SGCD: variants seen among roughly 807,000 people sequenced by gnomAD.
SGCD encodes the protein delta-sarcoglycan.
In SGCD, 18 loss-of-function variants were observed where a neutral mutation model predicts 36.6. That is an observed-to-expected ratio of 0.49 (90% CI 0.34 to 0.73). The LOEUF (loss-of-function observed/expected upper bound fraction) is 0.73. Ranked by LOEUF, SGCD falls within the 30% of genes least tolerant of loss-of-function variation. The pLI is 0.01. For synonymous variants in SGCD, 133 were observed against 130.6 expected (o/e 1.02, Z -0.12); for missense variants, 387 against 346.7 (o/e 1.12, Z -0.92).
chr5:156,196,866 T>A (rs1764035591), intron 3 of SGCD, among the ~76,000 whole-genome samples: 1 of 152,202 alleles, frequency 6.6e-6, no homozygotes, highest in South Asian at 2.1e-4. Context: ...TTTCTTGTAC[T>A]TAACGCATCC....
rs562668342 is a variant in SGCD, at chr5:156,094,682, G to C, written c.-281-23196G>C. ...TCAGTTGCCCAGAATGTACCCCAAG[G>C]GGCTTCTGGGGAGGAAGGAGATAGA... On this transcript the variant is annotated intron_variant, in intron 1 of 9. Transcript: ENST00000517913. 4.8e-4 allele frequency among the ~76,000 whole-genome samples: 73 copies of C among 152,220 alleles called. 1 individual carries two copies. The South Asian group carries it at 0.014, about 29-fold the overall frequency.
chr5:155,957,097 G>A (rs1051463469), intron 1 of SGCD, among the ~76,000 whole-genome samples: 3 of 137,622 alleles, frequency 2.2e-5, no homozygotes, highest in Non-Finnish European at 4.5e-5. Context: ...AGGTGCTCAA[G>A]GAAGACTTCA....
intron 3 of SGCD, among the ~76,000 whole-genome samples, chr5:156,354,296 G>A (rs367862203): frequency 6.6e-6 from 1 of 152,102 alleles, no homozygotes; most frequent in South Asian, 2.1e-4. Flanking sequence ...TTATAGTCTG[G>A]AAGCTGGTAA....
the SGCD span, among the ~76,000 whole-genome samples, chr5:155,800,209 CAT>C: frequency 1.1e-3 from 169 of 152,290 alleles, 1 homozygote; most frequent in African/African-American, 3.8e-3. Context: ...CCTTTGCACT[CAT>C]ATTACCCATT....
chr5:155,970,798 T>A (rs1277585444), intron 1 of SGCD, among the ~76,000 whole-genome samples: 1 of 152,212 alleles, frequency 6.6e-6, no homozygotes, highest in Non-Finnish European at 1.5e-5. Flanking sequence ...AGTAAATTGA[T>A]GCTTAAGGCT....
At chr5:156,660,346 T>C (rs1392922373) in intron 7 of SGCD, among the ~76,000 whole-genome samples, 2 of 152,300 alleles carry the variant, frequency 1.3e-5, no homozygotes, top group Non-Finnish European at 2.9e-5. Context: ...ACACTATCAT[T>C]AACATATACT....
chr5:156,118,907 A>G (rs1350849111), intron 2 of SGCD, among the ~76,000 whole-genome samples: 6 of 152,196 alleles, frequency 3.9e-5, no homozygotes, highest in African/African-American at 1.4e-4. Flanking sequence ...TTAGCCAGCC[A>G]AAACTGGTGA....
At chr5:155,855,748 C>G in the SGCD span, among the ~76,000 whole-genome samples, 1 of 152,002 alleles carries the variant, frequency 6.6e-6, no homozygotes, top group Non-Finnish European at 1.5e-5. Flanking sequence ...TCAGAGAGGA[C>G]AAAAACAGGT....
chr5:156,720,086 C>CT (rs754058152), intron 7 of SGCD, among the ~76,000 whole-genome samples: 3 of 152,178 alleles, frequency 2.0e-5, no homozygotes, highest in Non-Finnish European at 4.4e-5. Context: ...GGAATGAGGA[C>CT]TGGCAGAACT....
At chr5:156,649,493 A>C (rs1362645590) in intron 7 of SGCD, among the ~76,000 whole-genome samples, 1 of 152,196 alleles carries the variant, frequency 6.6e-6, no homozygotes, top group Non-Finnish European at 1.5e-5. Context: ...TGGATTAAGA[A>C]AATGTGGTAC....
chr5:156,131,257 C>T (rs1762314984), intron 3 of SGCD, among the ~76,000 whole-genome samples: 1 of 152,166 alleles, frequency 6.6e-6, no homozygotes, highest in Non-Finnish European at 1.5e-5. Flanking sequence ...ATAAAGAGCT[C>T]TGGTGTGAGA....
chr5:156,331,711 G>A (rs191066352), intron 2 of SGCD, among the ~76,000 whole-genome samples: 405 of 143,592 alleles, frequency 2.8e-3, no homozygotes, highest in Non-Finnish European at 4.8e-3. Context: ...TTCAGCCACT[G>A]AAACTATTCA....
rs182167482 is a variant in SGCD at position 155,966,081 on chromosome 5, C to T, written c.-282+95657C>T. On this transcript the variant is annotated intron_variant, in intron 1 of 9. Transcript: ENST00000517913. Reference sequence around the variant, plus strand: ...CCTGTGAACCTCTTAAAATAGAATGCACTCATTAAAACACAGACCTCTAGG... The same window carrying T: ...CCTGTGAACCTCTTAAAATAGAATGTACTCATTAAAACACAGACCTCTAGG... Among the ~76,000 whole-genome samples, 149 of 152,194 alleles carry T rather than the reference C, an allele frequency of 9.8e-4. 1 individual carries two copies. The highest frequency in any genetic ancestry group is 3.5e-3 in the African/African-American group (144 of 41,550).
intron 1 of SGCD, among the ~76,000 whole-genome samples, chr5:156,069,993 T>G (rs1760490305): frequency 6.6e-6 from 1 of 152,150 alleles, no homozygotes; most frequent in Admixed American, 6.5e-5. Flanking sequence ...ATCCTGAGAG[T>G]TTACCAAAGT....
intron 2 of SGCD, among the ~76,000 whole-genome samples, chr5:156,343,332 C>A (rs994750246): frequency 2.0e-5 from 3 of 152,108 alleles, no homozygotes; most frequent in African/African-American, 7.2e-5. Context: ...AGGGCTGTAC[C>A]ATTATCTGAA....
chr5:155,783,537 A>ATT, the SGCD span, among the ~76,000 whole-genome samples: 13 of 145,584 alleles, frequency 8.9e-5, no homozygotes, highest in Non-Finnish European at 1.2e-4. Flanking sequence ...CTAAAAAGGA[A>ATT]TTTTTTTTTT....
At chr5:156,322,716 A>G (rs1263949003), upstream of SGCD, among the ~76,000 whole-genome samples, 2 of 152,214 alleles carry the variant, frequency 1.3e-5, no homozygotes, top group African/African-American at 2.4e-5. Flanking sequence ...CTTTTCTTCA[A>G]TCTCCTAAAG....
chr5:156,665,054 C>T (rs1229217442), intron 7 of SGCD, among the ~76,000 whole-genome samples: 185 of 136,648 alleles, frequency 1.4e-3, no homozygotes, highest in African/African-American at 2.7e-3. Flanking sequence ...TGGTATGGCG[C>T]CCTGCCCTGT....
At chr5:156,709,474 C>T (rs1330207636) in intron 7 of SGCD, among the ~76,000 whole-genome samples, 1 of 152,044 alleles carries the variant, frequency 6.6e-6, no homozygotes, top group Non-Finnish European at 1.5e-5. Flanking sequence ...GCCAGCTCCA[C>T]CTTGGGAGAA....
Sources: gnomAD v4.1 joint callset for allele counts (sites outside exome capture counted in the v4.1 genomes callset) on GRCh38, gnomAD v4.1.1 for gene constraint, MANE v1.5 for transcripts, NCBI Gene and HGNC (gene_info 2026-07-23, HGNC 2026-07-21) for gene names.